EIF4G3: variants seen among roughly 807,000 people sequenced by gnomAD.
EIF4G3 encodes the protein eukaryotic translation initiation factor 4 gamma 3.
EIF4G3 carries 34 observed loss-of-function variants against 186.4 expected under a neutral mutation model. The observed-to-expected ratio is 0.18, with a 90% CI of 0.14 to 0.24. The LOEUF is 0.24. Ranked by LOEUF, EIF4G3 falls within the 10% of genes least tolerant of loss-of-function variation. The pLI, the probability that EIF4G3 is intolerant of heterozygous loss-of-function variation, is 1.00. For missense variants in EIF4G3, 1,536 were observed against 1,948.5 expected (o/e 0.79, Z 3.99); for synonymous variants, 673 against 679.5 (o/e 0.99, Z 0.15).
intron 3 of EIF4G3, among the ~76,000 whole-genome samples, chr1:21,074,224 C>T (rs952141537): frequency 1.3e-5 from 2 of 152,170 alleles, no homozygotes; most frequent in Admixed American, 1.3e-4. Flanking sequence ...TGTTTAGATA[C>T]TTACCTGGCC....
intron 33 of EIF4G3, among the ~76,000 whole-genome samples, chr1:20,817,995 A>G (rs891732194): frequency 2.0e-5 from 3 of 152,128 alleles, no homozygotes; most frequent in Non-Finnish European, 4.4e-5. Flanking sequence ...TAGTTTTGAA[A>G]AACTGTCAGT....
At chr1:21,026,612 C>T (rs1265327322) in intron 4 of EIF4G3, among the ~76,000 whole-genome samples, 2 of 151,812 alleles carry the variant, frequency 1.3e-5, no homozygotes, top group Admixed American at 6.6e-5. Context: ...AAGAGGCAAC[C>T]TACAGAAGAA....
intron 13 of EIF4G3, among the ~76,000 whole-genome samples, chr1:20,943,396 G>A (rs988044862): frequency 1.6e-4 from 24 of 152,012 alleles, no homozygotes; most frequent in African/African-American, 5.1e-4. Flanking sequence ...ATCATAATGC[G>A]GGTACCAGAA....
At chr1:20,892,695 A>T in intron 18 of EIF4G3, 1 of 1,536,106 alleles carries the variant, frequency 6.5e-7, no homozygotes. Flanking sequence ...CTGTTCCAGA[A>T]TTGGCAATCC....
chr1:21,133,675 C>T (rs983618462), intron 2 of EIF4G3, among the ~76,000 whole-genome samples: 1 of 152,200 alleles, frequency 6.6e-6, no homozygotes, highest in African/African-American at 2.4e-5. Context: ...TTCTAGCTGA[C>T]ATATTCCACT....
Position 20,982,375 on chromosome 1 carries a change from A to T in EIF4G3, c.198+13T>A. The T allele has an allele frequency of 2.0e-6, 3 of 1,522,006 alleles. No homozygotes were observed. Among genetic ancestry groups the T allele is most frequent in the Non-Finnish European group, 2.6e-6 (3 of 1,140,844 alleles). 94.3% of individuals were successfully genotyped at this position (1,522,006 alleles called of 1,614,324 possible). ...AGTTATAAAGAGGCCATGCAGAACC[A>T]GTAGTTTGTTACCTGGATAGGTCTG... On this transcript the variant is annotated intron_variant, in intron 8 of 36. Coordinates refer to ENST00000602326, the MANE Select transcript of EIF4G3 (RefSeq NM_001391906.1).
chr1:21,086,765 C>T (rs946843573), intron 3 of EIF4G3, among the ~76,000 whole-genome samples: 5 of 151,622 alleles, frequency 3.3e-5, no homozygotes, highest in African/African-American at 4.9e-5. Flanking sequence ...TATGGTGAAA[C>T]CCCATCTTTA....
intron 4 of EIF4G3, among the ~76,000 whole-genome samples, chr1:21,007,794 G>C (rs1157656864): frequency 6.6e-6 from 1 of 152,000 alleles, no homozygotes; most frequent in African/African-American, 2.4e-5. Context: ...GAAGATAAAT[G>C]TCTTAAGAAA....
At chr1:20,892,870 T>C (rs2154555727) in intron 18 of EIF4G3, 1 of 616,800 alleles carries the variant, frequency 1.6e-6, no homozygotes, top group South Asian at 2.0e-5. Flanking sequence ...GACAGGGTCT[T>C]GCTTTGTCGC....
At chr1:21,034,926 C>A (rs2093051525) in intron 4 of EIF4G3, among the ~76,000 whole-genome samples, 1 of 152,160 alleles carries the variant, frequency 6.6e-6, no homozygotes, top group Non-Finnish European at 1.5e-5. Flanking sequence ...GTAAGCCAGG[C>A]AAGGGGGAGC....
intron 7 of EIF4G3, among the ~76,000 whole-genome samples, chr1:20,983,739 C>T (rs531730354): frequency 4.6e-5 from 7 of 152,096 alleles, no homozygotes; most frequent in Admixed American, 1.3e-4. Context: ...AGATAAAGGG[C>T]GTATCAAATG....
chr1:21,011,313 T>C (rs771134548), intron 4 of EIF4G3, among the ~76,000 whole-genome samples: 15 of 152,026 alleles, frequency 9.9e-5, no homozygotes, highest in Non-Finnish European at 1.5e-4. Flanking sequence ...GACAAAAGAA[T>C]GTCACTTCTG....
At chr1:21,153,100 A>AT (rs1393464192) in intron 2 of EIF4G3, among the ~76,000 whole-genome samples, 3 of 152,300 alleles carry the variant, frequency 2.0e-5, no homozygotes, top group African/African-American at 7.2e-5. Context: ...TTCAGGGACA[A>AT]TGGCCACTCT....
chr1:20,943,974 T>G (rs2874299), intron 13 of EIF4G3, among the ~76,000 whole-genome samples: 40,708 of 62,172 alleles, frequency 0.65, 11,091 homozygotes, highest in East Asian at 0.74. Context: ...TTTATTTTTT[T>G]TGTGTGTGTG....
chr1:20,988,743 T>A (rs1364528352), intron 7 of EIF4G3, among the ~76,000 whole-genome samples: 2 of 151,996 alleles, frequency 1.3e-5, no homozygotes, highest in Admixed American at 1.3e-4. Context: ...TAACACAACA[T>A]CCACTCTGCA....
chr1:21,015,164 T>A (rs895231753), intron 4 of EIF4G3, among the ~76,000 whole-genome samples: 1 of 151,440 alleles, frequency 6.6e-6, no homozygotes, highest in African/African-American at 2.4e-5. Context: ...ACAAAAGCAG[T>A]CTCTAATAAC....
At chr1:20,964,482 T>C (rs565569504) in intron 12 of EIF4G3, among the ~76,000 whole-genome samples, 1 of 152,260 alleles carries the variant, frequency 6.6e-6, no homozygotes, top group Admixed American at 6.5e-5. Context: ...CACAGAAAAT[T>C]TTAAGACTTT....
intron 30 of EIF4G3, among the ~76,000 whole-genome samples, chr1:20,837,304 C>G (rs1178423727): frequency 6.6e-6 from 1 of 152,082 alleles, no homozygotes; most frequent in Non-Finnish European, 1.5e-5. Context: ...CTCCCTGGTT[C>G]AAGCAATTCT....
At chr1:20,958,313 A>G (rs2096486513) in intron 12 of EIF4G3, among the ~76,000 whole-genome samples, 1 of 152,214 alleles carries the variant, frequency 6.6e-6, no homozygotes, top group Admixed American at 6.5e-5. Context: ...GACCATCTCA[A>G]TAGACGCTGA....
Sources: allele counts gnomAD v4.1 joint callset (sites outside exome capture counted in the v4.1 genomes callset), GRCh38; gene constraint gnomAD v4.1.1; transcripts MANE v1.5; gene names NCBI Gene and HGNC (gene_info 2026-07-23, HGNC 2026-07-21).